DNAJC13: variants seen among roughly 807,000 people sequenced by gnomAD.
DNAJC13 encodes dnaJ homolog subfamily C member 13.
In DNAJC13, 75 loss-of-function variants were observed where a neutral mutation model predicts 290.5. The ratio of observed to expected loss-of-function variants is 0.26; its 90% CI spans 0.21 to 0.31. The LOEUF is 0.31. Among genes scored for constraint, DNAJC13 ranks in the 10% least tolerant of loss-of-function variants. DNAJC13 has a pLI of 1.00. For missense variants in DNAJC13, 2,260 were observed against 2,674.5 expected, an observed-to-expected ratio of 0.85 and a Z score of 3.42; for synonymous variants, 862 against 892.0, an observed-to-expected ratio of 0.97 and a Z score of 0.60.
intron 29 of DNAJC13, among the ~76,000 whole-genome samples, chr3:132,486,410 A>T (rs1026289158): frequency 9.2e-5 from 14 of 152,164 alleles, no homozygotes; most frequent in Non-Finnish European, 1.8e-4. Flanking sequence ...TACAAATGGC[A>T]TTAAATTTCA....
chr3:132,529,295 T>C (rs1936345205), intron 54 of DNAJC13, among the ~76,000 whole-genome samples: 2 of 152,230 alleles, frequency 1.3e-5, no homozygotes, highest in South Asian at 2.1e-4. Context: ...AATATGTCAT[T>C]GTACGTAAAT....
At position 132,475,032 on chromosome 3, in the gene DNAJC13, G is replaced by A. The variant is rs199706612; in HGVS notation, c.2392G>A (p.Asp798Asn). The A allele has an allele frequency of 5.6e-6, 9 of 1,611,014 alleles. No homozygotes were observed. Among genetic ancestry groups the A allele is most frequent in the Non-Finnish European group, 5.9e-6 (7 of 1,178,608 alleles). Reference protein sequence around the residue: ...LESEMRAFNIDRELGSANVIS... With the variant: ...LESEMRAFNINRELGSANVIS... ...ATCTGAAATGAGAGCATTTAATATT[G>A]ACAGAGAACTTGGAAGTGCAAATGT... Residue 798 changes from aspartate (D) to asparagine (N), a missense_variant, in exon 22 of 56, where the codon GAC (aspartate) becomes AAC (asparagine). Asp to Asn is a conservative substitution (Grantham distance 23). Transcript: ENST00000260818.
At chr3:132,520,542 A>C (rs905853501) in intron 48 of DNAJC13, among the ~76,000 whole-genome samples, 1 of 152,236 alleles carries the variant, frequency 6.6e-6, no homozygotes, top group Non-Finnish European at 1.5e-5. Context: ...TGGGTCATTC[A>C]TTAAATTGAA....
intron 2 of DNAJC13, 52 bp from the exon 3 acceptor site, chr3:132,446,423 T>TA: frequency 7.8e-7 from 1 of 1,274,556 alleles, no homozygotes. Flanking sequence ...TATTTTCTTA[T>TA]AAAATATCTT....
chr3:132,472,917 A>G (rs1934332961), intron 20 of DNAJC13, among the ~76,000 whole-genome samples: 1 of 152,248 alleles, frequency 6.6e-6, no homozygotes, highest in Admixed American at 6.5e-5. Context: ...TACATGGAAA[A>G]TACTTGAGTA....
chr3:132,450,731 A>G lies in DNAJC13; in HGVS notation c.421A>G (p.Asn141Asp). 1.9e-6 allele frequency: 3 copies of G among 1,613,048 alleles called. No individual in the cohort carries two copies. Among genetic ancestry groups the G allele is most frequent in the South Asian group, 2.2e-5 (2 of 91,052 alleles). The change falls in exon 6 of 56, where the codon AAT becomes GAT. Residue 141 changes from asparagine to aspartate, a missense_variant. This residue lies in a region of DNAJC13 where 762 missense variants were observed against 964.1 expected (regional missense o/e 0.79). Transcript: ENST00000260818. ...AACTCCAGGAGGCTTTGACCAAATT[A>G]ATCCTGCAACCAACAGAGTACTCTG... ...EVTPGGFDQINPATNRVLCSY... is the reference protein window; with the variant it reads ...EVTPGGFDQIDPATNRVLCSY...
intron 48 of DNAJC13, among the ~76,000 whole-genome samples, chr3:132,517,579 T>C (rs1057423411): frequency 1.1e-4 from 16 of 152,128 alleles, no homozygotes; most frequent in Admixed American, 6.6e-5. Context: ...CCCAGGAGTC[T>C]CCATTCTTAA....
rs753231493 is a variant in DNAJC13 at position 132,461,138 on chromosome 3, G to A, written c.1646G>A (p.Gly549Glu). 1 of 1,614,054 alleles carries A rather than the reference G, an allele frequency of 6.2e-7. No individual in the cohort carries two copies. The highest frequency in any genetic ancestry group is 8.5e-7 in the Non-Finnish European group (1 of 1,179,972). Residue 549 changes from glycine to glutamate, a missense_variant, in exon 15 of 56, where the codon GGG (glycine) becomes GAG (glutamate). Physicochemically the swap from Gly to Glu is moderately conservative, Grantham distance 98 (BLOSUM62 -2). This residue lies in a region of DNAJC13 where 762 missense variants were observed against 964.1 expected (regional missense o/e 0.79). Coordinates refer to ENST00000260818, the MANE Select transcript of DNAJC13 (RefSeq NM_015268.4). ...GCTCCATATAGTGAGACAACTGAAG[G>A]GCAGCAGTTTGATATGCTCTTGGAG... ...LCAPYSETTEGQQFDMLLEMV... is the reference protein window; with the variant it reads ...LCAPYSETTEEQQFDMLLEMV...
chr3:132,498,996 A>G (rs768903771), intron 36 of DNAJC13, 130 bp from the exon 37 acceptor site: 38 of 792,932 alleles, frequency 4.8e-5, no homozygotes, highest in Non-Finnish European at 6.4e-5. Flanking sequence ...GATTACAGGC[A>G]TGAGCCACCA....
chr3:132,458,925 T>TC (rs1933704273), intron 13 of DNAJC13, among the ~76,000 whole-genome samples: 2 of 152,214 alleles, frequency 1.3e-5, no homozygotes, highest in Non-Finnish European at 2.9e-5. Context: ...GATGTATTTT[T>TC]CTCAATCTGT....
chr3:132,486,182 G>T (rs1025027843), intron 29 of DNAJC13, among the ~76,000 whole-genome samples: 2 of 133,972 alleles, frequency 1.5e-5, no homozygotes, highest in Non-Finnish European at 3.1e-5. Flanking sequence ...ATTTCCATTC[G>T]TATCCTTCAG....
At chr3:132,511,731 C>T (rs1449847602) in intron 44 of DNAJC13, among the ~76,000 whole-genome samples, 1 of 152,084 alleles carries the variant, frequency 6.6e-6, no homozygotes, top group Non-Finnish European at 1.5e-5. Flanking sequence ...TTTAAGAGGA[C>T]ATTTCCAAAA....
At chr3:132,518,138 C>T (rs1411103191) in intron 48 of DNAJC13, among the ~76,000 whole-genome samples, 1 of 152,068 alleles carries the variant, frequency 6.6e-6, no homozygotes, top group Non-Finnish European at 1.5e-5. Flanking sequence ...ATACATGTGC[C>T]ATGTTGGCGT....
chr3:132,531,934 A>C (rs1257550222), intron 55 of DNAJC13, among the ~76,000 whole-genome samples: 1 of 152,242 alleles, frequency 6.6e-6, no homozygotes, highest in Admixed American at 6.5e-5. Flanking sequence ...TTTGGTTTCA[A>C]AAGATACTAT....
At chr3:132,469,963 C>CTTTTTTTTTTTTTT (rs61726289) in intron 20 of DNAJC13, among the ~76,000 whole-genome samples, 5 of 61,158 alleles carry the variant, frequency 8.2e-5, no homozygotes, top group African/African-American at 1.1e-4. Flanking sequence ...AGCAGAGATT[C>CTTTTTTTTTTTTTT]TTTTTTTTTT....
chr3:132,466,200 T>G (rs1933974982), intron 18 of DNAJC13, 99 bp from the exon 19 acceptor site: 2 of 1,439,052 alleles, frequency 1.4e-6, no homozygotes, highest in Non-Finnish European at 1.9e-6. Flanking sequence ...ACCGTAAAGT[T>G]TTACCCTCAA....
At chr3:132,488,857 T>C in intron 30 of DNAJC13, 119 bp from the exon 31 acceptor site, 2 of 703,218 alleles carry the variant, frequency 2.8e-6, no homozygotes. Flanking sequence ...AATATGGATT[T>C]ATGTGAGTTG....
At chr3:132,522,714 C>T in intron 48 of DNAJC13, 114 bp from the exon 49 acceptor site, 1 of 852,336 alleles carries the variant, frequency 1.2e-6, no homozygotes, top group Non-Finnish European at 1.8e-6. Flanking sequence ...GGTTATGGCC[C>T]ACATAAGTCA....
rs1316609697 is a variant in DNAJC13, at chr3:132,526,155, C to T, written c.6255C>T (p.Ala2085=). 4 of 1,613,856 alleles carry T rather than the reference C, an allele frequency of 2.5e-6. No individual in the cohort carries two copies. The African/African-American group carries it at 4.0e-5, about 16-fold the overall frequency. Residue 2085 remains alanine, a synonymous_variant, in exon 53 of 56, where the codon GCC becomes GCT. Coordinates refer to ENST00000260818, the MANE Select transcript of DNAJC13 (RefSeq NM_015268.4). ...TGGGCACTTAGCTGTGTGTTCGAGC[C>T]ATGGCATCTTTAGAGACCATTGGCC... The part of the protein sequence containing the change: ...ALSENELCVR[A]MASLETIGPL...
Sources: gnomAD v4.1 joint callset for allele counts (sites outside exome capture counted in the v4.1 genomes callset) on GRCh38, gnomAD v4.1.1 for gene constraint, gnomAD v4.1.1 regional missense constraint, MANE v1.5 for transcripts, NCBI Gene and HGNC (gene_info 2026-07-23, HGNC 2026-07-21) for gene names.